Variants in RNF111 observed in about 807,000 individuals in gnomAD.
RNF111 encodes the protein ring finger protein 111.
Under a neutral mutation model 95.1 loss-of-function variants are expected in RNF111, and 17 were observed. The observed-to-expected ratio is 0.18, with a 90% CI of 0.12 to 0.27. RNF111 has a LOEUF of 0.27. Among genes scored for constraint, RNF111 ranks in the 10% least tolerant of loss-of-function variants. The probability of loss-of-function intolerance (pLI) is 1.00; values close to 1 mark genes in which losing one functional copy is unlikely to be tolerated. For synonymous variants in RNF111, 440 were observed against 414.8 expected, an observed-to-expected ratio of 1.06 and a Z score of -0.74; for missense variants, 1,189 against 1,210.4, an observed-to-expected ratio of 0.98 and a Z score of 0.26.
In RNF111 at chr15:59,001,945, ATATT is replaced by A. The variant is rs200705457; in HGVS notation, c.-20+13880_-20+13883del. ...ATAACTAATAAAAAAATTTATAACT[ATATT>A]TAATAAAAATTGTGTGAATGTCATC... On this transcript the variant is annotated intron_variant, in intron 1 of 13. Transcript: ENST00000348370. Among the ~76,000 whole-genome samples, 32 of 152,312 alleles carry A rather than the reference ATATT, an allele frequency of 2.1e-4. No homozygotes were observed. The East Asian group carries it at 2.3e-3, about 11-fold the overall frequency.
intron 1 of RNF111, among the ~76,000 whole-genome samples, chr15:59,000,460 G>A (rs138647504): frequency 5.5e-4 from 84 of 152,054 alleles, no homozygotes; most frequent in African/African-American, 1.9e-3. Context: ...ATCTGTAATT[G>A]CAGCACTTTG....
chr15:59,081,540 C>A (rs896743377), intron 8 of RNF111, among the ~76,000 whole-genome samples: 1 of 151,192 alleles, frequency 6.6e-6, no homozygotes, highest in African/African-American at 2.5e-5. Flanking sequence ...ACAAAAAAAA[C>A]CATGAAGTCT....
Position 59,055,591 on chromosome 15 carries a change from CTT to C in RNF111, c.1008-90_1008-89del. On this transcript the variant is annotated intron_variant, in intron 3 of 13. Coordinates refer to ENST00000348370, the MANE Select transcript of RNF111 (RefSeq NM_017610.8). ...CTTTGGAGAAATCTTGTATGAAAAA[CTT>C]AACATTTAGTAAGAAAGGCTTATGG... is the stretch of plus-strand genomic sequence containing the variant. The C allele has an allele frequency of 1.2e-5, 12 of 1,003,462 alleles. No homozygotes were observed. In the South Asian group the frequency reaches 2.8e-4, roughly 24 times the overall value. The allele number at this position is 1,003,462 out of a possible 1,614,324, so 62.2% of individuals were successfully genotyped here.
At chr15:59,070,100 C>T (rs1440916952) in intron 6 of RNF111, among the ~76,000 whole-genome samples, 2 of 130,050 alleles carry the variant, frequency 1.5e-5, no homozygotes, top group African/African-American at 5.8e-5. Flanking sequence ...GCCTTAAACT[C>T]CTGGGCTTAA....
At chr15:59,059,122 T>TA (rs1369407464) in intron 5 of RNF111, among the ~76,000 whole-genome samples, 6 of 151,672 alleles carry the variant, frequency 4.0e-5, no homozygotes, top group African/African-American at 9.7e-5. Context: ...TATTTATATT[T>TA]AAAAAATAAA....
At position 59,026,362 on chromosome 15, in the gene RNF111, C is replaced by G. The variant is rs555679561; in HGVS notation, c.-19-4442C>G. On this transcript the variant is annotated intron_variant, in intron 1 of 13. Coordinates refer to ENST00000348370, the MANE Select transcript of RNF111 (RefSeq NM_017610.8). ...ATAGTGGTGTATTCTACACTAGTAT[C>G]AGGAGTAATTAGCATGCAGTCATCA... Among the ~76,000 whole-genome samples, 147 of 152,076 alleles carry G rather than the reference C, an allele frequency of 9.7e-4. No homozygotes were observed. The Middle Eastern group carries it at 0.01, about 11-fold the overall frequency.
At chr15:59,060,403 A>G (rs2042383697) in intron 5 of RNF111, among the ~76,000 whole-genome samples, 1 of 152,186 alleles carries the variant, frequency 6.6e-6, no homozygotes, top group Admixed American at 6.5e-5. Context: ...CAGGAGTTCA[A>G]GACCAGCCTA....
At chr15:59,079,357 T>G (rs1035751495) in intron 7 of RNF111, among the ~76,000 whole-genome samples, 2 of 152,218 alleles carry the variant, frequency 1.3e-5, no homozygotes, top group Non-Finnish European at 2.9e-5. Flanking sequence ...CTTTGTGCCT[T>G]CTTGAAGAGT....
In RNF111 at chr15:59,081,220, C is replaced by T; in HGVS notation, c.2233C>T (p.Leu745=). Residue 745 remains leucine, a synonymous_variant, in exon 8 of 14, where the codon CTG becomes TTG. Transcript: ENST00000348370. ...IPATAPPAQR[L]HPHEVMQRME... ...AGCCACAGCACCTCCAGCACAGAGA[C>T]TGCATCCTCATGAAGTGATGCAGAG... The T allele has an allele frequency of 6.2e-7, 1 of 1,614,196 alleles. No individual in the cohort carries two copies. The highest frequency in any genetic ancestry group is 1.1e-5 in the South Asian group (1 of 91,064).
chr15:59,032,554 T>G (rs2040964875), intron 2 of RNF111, among the ~76,000 whole-genome samples: 1 of 152,184 alleles, frequency 6.6e-6, no homozygotes, highest in Admixed American at 6.5e-5. Flanking sequence ...CTCAAGTAGC[T>G]GGGACTACAG....
chr15:59,034,208 C>T (rs925130529), intron 2 of RNF111, among the ~76,000 whole-genome samples: 3 of 152,082 alleles, frequency 2.0e-5, no homozygotes, highest in Non-Finnish European at 4.4e-5. Context: ...ATGGATGTTC[C>T]ATAATTTATT....
At chr15:58,991,418 C>T (rs761194628) in intron 1 of RNF111, among the ~76,000 whole-genome samples, 1 of 152,208 alleles carries the variant, frequency 6.6e-6, no homozygotes, top group Non-Finnish European at 1.5e-5. Context: ...CACTGGTCTT[C>T]AGTGAAGGCA....
At chr15:59,041,827 G>A (rs1422205681) in intron 2 of RNF111, among the ~76,000 whole-genome samples, 1 of 152,030 alleles carries the variant, frequency 6.6e-6, no homozygotes, top group Admixed American at 6.6e-5. Context: ...CCGTCTGATA[G>A]CTGAGAAATA....
chr15:59,011,972 T>TTAATTTTAG (rs1285348010), intron 1 of RNF111, among the ~76,000 whole-genome samples: 15 of 150,956 alleles, frequency 9.9e-5, no homozygotes, highest in Non-Finnish European at 2.1e-4. Context: ...AATAAGTGGC[T>TTAATTTTAG]TAATTTTAGT....
intron 6 of RNF111, among the ~76,000 whole-genome samples, chr15:59,073,302 T>A (rs2140115116): frequency 6.6e-6 from 1 of 152,086 alleles, no homozygotes; most frequent in South Asian, 2.1e-4. Flanking sequence ...TGGTGAAACC[T>A]TGTGTCTACT....
chr15:59,059,325 G>T (rs1257362741), intron 5 of RNF111, among the ~76,000 whole-genome samples: 1 of 152,054 alleles, frequency 6.6e-6, no homozygotes, highest in Non-Finnish European at 1.5e-5. Flanking sequence ...CACCAACTAG[G>T]GTGTCTATAA....
chr15:59,095,145 G>C lies in RNF111; in HGVS notation c.*245G>C, dbSNP rs143673628. 57 of 393,460 alleles carry C rather than the reference G, an allele frequency of 1.4e-4. No individual in the cohort carries two copies. The highest frequency in any genetic ancestry group is 2.4e-4 in the Non-Finnish European group (52 of 218,482). The allele number at this position is 393,460 out of a possible 1,614,324, so 24.4% of individuals were successfully genotyped here. On this transcript the variant is annotated 3_prime_UTR_variant, in exon 14 of 14. Coordinates refer to ENST00000348370, the MANE Select transcript of RNF111 (RefSeq NM_017610.8). Reference sequence around the variant, plus strand: ...GTATCATTTTACTGTATTTTTGCATGGTTCCTTGTATTGCATTTCTTTGCA... The same window carrying C: ...GTATCATTTTACTGTATTTTTGCATCGTTCCTTGTATTGCATTTCTTTGCA...
chr15:59,067,730 T>TA (rs1331078298), intron 6 of RNF111, among the ~76,000 whole-genome samples: 2 of 152,214 alleles, frequency 1.3e-5, no homozygotes, highest in African/African-American at 4.8e-5. Context: ...GATCTTACTT[T>TA]AAACAAATTG....
At position 59,059,584 on chromosome 15, in the gene RNF111, G is replaced by A. The variant is rs193140015; in HGVS notation, c.1366+1034G>A. Among the ~76,000 whole-genome samples, 253 of 152,220 alleles carry A rather than the reference G, an allele frequency of 1.7e-3. 1 individual carries two copies. The highest frequency in any genetic ancestry group is 0.014 in the Middle Eastern group (4 of 294). On this transcript the variant is annotated intron_variant, in intron 5 of 13. Coordinates refer to ENST00000348370, the MANE Select transcript of RNF111 (RefSeq NM_017610.8). ...GATATCCATTTTCTGGGGTTTTTTG[G>A]TTATGGTTTGGTCTGTTGGTGTCAT...
Sources: gnomAD v4.1 joint callset for allele counts (sites outside exome capture counted in the v4.1 genomes callset) on GRCh38, gnomAD v4.1.1 for gene constraint, MANE v1.5 for transcripts, NCBI Gene and HGNC (gene_info 2026-07-23, HGNC 2026-07-21) for gene names.